Variants in EPB41L1 observed in about 807,000 individuals in gnomAD.
The protein encoded by EPB41L1 is band 4.1-like protein 1.
EPB41L1 carries 29 observed loss-of-function variants against 97.8 expected under a neutral mutation model. The observed-to-expected ratio is 0.30, with a 90% CI of 0.22 to 0.40. The LOEUF (loss-of-function observed/expected upper bound fraction) is 0.40, where lower values mean the gene tolerates loss of function less well. Among genes scored for constraint, EPB41L1 ranks in the 10% least tolerant of loss-of-function variants. EPB41L1 has a pLI of 1.00. For synonymous variants in EPB41L1, 383 were observed against 459.2 expected (o/e 0.83, Z 2.12); for missense variants, 812 against 1,162.3 (o/e 0.70, Z 4.38).
chr20:36,169,341 C>T (rs2060879136), intron 1 of EPB41L1, among the ~76,000 whole-genome samples: 1 of 152,196 alleles, frequency 6.6e-6, no homozygotes. Context: ...GACTCCACAG[C>T]CTGTGCTGTG....
At chr20:36,101,321 G>A (rs796733116) in intron 1 of EPB41L1, among the ~76,000 whole-genome samples, 1 of 152,080 alleles carries the variant, frequency 6.6e-6, no homozygotes, top group Non-Finnish European at 1.5e-5. Context: ...CCCATGTGCA[G>A]CCCGGGAGTC....
At chr20:36,113,787 T>C (rs2058498226) in intron 2 of EPB41L1, 1 of 152,534 alleles carries the variant, frequency 6.6e-6, no homozygotes, top group Non-Finnish European at 1.5e-5. Flanking sequence ...TGTGGGGAGA[T>C]GCGGAGCTCA....
Position 36,188,513 on chromosome 20 carries a change from GGGAAACACTCCTCCTCACC to G in EPB41L1, c.1026+19_1026+37del. On this transcript the variant is annotated intron_variant, in intron 9 of 21. Coordinates refer to ENST00000338074, the MANE Select transcript of EPB41L1 (RefSeq NM_012156.2). ...CGGCCTGGGGAGGTGAGTCTGCCTT[GGGAAACACTCCTCCTCACC>G]GGAATCAACTAGAATGGAGTGGACC... 6.3e-7 allele frequency: 1 copy of G among 1,598,052 alleles called. No homozygotes were observed. The highest frequency in any genetic ancestry group is 1.7e-5 in the Admixed American group (1 of 58,984).
chr20:36,184,993 C>T (rs965805186), intron 6 of EPB41L1, 124 bp from the exon 7 acceptor site: 11 of 925,908 alleles, frequency 1.2e-5, no homozygotes, highest in Middle Eastern at 3.2e-4. Flanking sequence ...ATATGAAGCG[C>T]CAATGTCTAC....
intron 2 of EPB41L1, among the ~76,000 whole-genome samples, chr20:36,134,901 C>G (rs953955914): frequency 6.8e-6 from 1 of 146,370 alleles, no homozygotes; most frequent in Non-Finnish European, 1.5e-5. Flanking sequence ...ACTCTGTTGC[C>G]CAGGCTAGAG....
At chr20:36,122,806 A>C (rs1381178003) in intron 2 of EPB41L1, 1 of 152,248 alleles carries the variant, frequency 6.6e-6, no homozygotes, top group African/African-American at 2.4e-5. Context: ...GCACCTGTAC[A>C]ATGGGGCTTT....
chr20:36,181,737 G>T (rs960580268), intron 5 of EPB41L1, among the ~76,000 whole-genome samples: 2 of 152,162 alleles, frequency 1.3e-5, no homozygotes, highest in Non-Finnish European at 2.9e-5. Context: ...ACAGTAGCAG[G>T]GTGAGGGCTC....
intron 2 of EPB41L1, among the ~76,000 whole-genome samples, chr20:36,174,755 G>C (rs549775684): frequency 6.6e-6 from 1 of 152,284 alleles, no homozygotes; most frequent in East Asian, 1.9e-4. Context: ...TCAGACTAAA[G>C]AGGGTAGCTA....
chr20:36,187,725 A>G lies in EPB41L1; in HGVS notation c.835A>G (p.Lys279Glu), dbSNP rs1285938025. 6.2e-7 allele frequency: 1 copy of G among 1,613,978 alleles called. No individual in the cohort carries two copies. The highest frequency in any genetic ancestry group is 2.2e-5 in the East Asian group (1 of 44,860). Residue 279 changes from lysine (K) to glutamate (E), a missense_variant, in exon 8 of 22, where the codon AAG becomes GAG. Coordinates refer to ENST00000338074, the MANE Select transcript of EPB41L1 (RefSeq NM_012156.2). Reference protein sequence around the residue: ...AEIHFLENAKKLSMYGVDLHH... With the variant: ...AEIHFLENAKELSMYGVDLHH... ...AATCCACTTCTTAGAGAATGCCAAG[A>G]AGCTTTCCATGTACGGAGTAGACCT...
chr20:36,124,123 T>C (rs2058862657), intron 2 of EPB41L1, among the ~76,000 whole-genome samples: 1 of 151,812 alleles, frequency 6.6e-6, no homozygotes, highest in Non-Finnish European at 1.5e-5. Context: ...GGTGTGGTGG[T>C]GGGCGCCTGT....
In EPB41L1 at chr20:36,207,044, G is replaced by A. The variant is rs570097059; in HGVS notation, c.1669-2444G>A. The A allele has an allele frequency of 3.4e-5, 44 of 1,289,834 alleles. No individual in the cohort carries two copies. In the East Asian group the frequency reaches 3.9e-4, roughly 11 times the overall value. The allele number at this position is 1,289,834 out of a possible 1,614,324, so 79.9% of individuals were successfully genotyped here. A position where few individuals can be genotyped will look rare whatever the true frequency, so the allele number is the denominator to read the frequency against. On this transcript the variant is annotated intron_variant, in intron 14 of 21. Coordinates refer to ENST00000338074, the MANE Select transcript of EPB41L1 (RefSeq NM_012156.2). This position sits in a 1 kb window ranked among gnomAD's most constrained non-coding sequence, Gnocchi z 4.9. ...AAAGGAGGGGCTGAGCTGAAGGACC[G>A]CGAGGCTTCAGCATTTCTTCACATG...
intron 5 of EPB41L1, among the ~76,000 whole-genome samples, chr20:36,179,908 C>T (rs544449530): frequency 5.3e-4 from 81 of 152,336 alleles, no homozygotes; most frequent in African/African-American, 1.9e-3. Context: ...AGGCTGTCCC[C>T]CAGGAGCCCC....
chr20:36,140,036 GTTT>G (rs933589393), intron 2 of EPB41L1, among the ~76,000 whole-genome samples: 3 of 144,192 alleles, frequency 2.1e-5, no homozygotes, highest in African/African-American at 5.2e-5. Context: ...GGCCTAGGTG[GTTT>G]TTTTTTGTTG....
intron 2 of EPB41L1, among the ~76,000 whole-genome samples, chr20:36,148,062 T>C (rs2059907566): frequency 6.6e-6 from 1 of 152,120 alleles, no homozygotes; most frequent in South Asian, 2.1e-4. Flanking sequence ...CCTGGCATCC[T>C]GGGTGGACTC....
chr20:36,204,688 C>T (rs900956121), intron 14 of EPB41L1, among the ~76,000 whole-genome samples: 2 of 150,464 alleles, frequency 1.3e-5, no homozygotes, highest in African/African-American at 2.4e-5. Flanking sequence ...TGTCACCAGG[C>T]TGGAGTGCAG....
chr20:36,222,261 C>A lies in EPB41L1; in HGVS notation c.2521-17C>A. The A allele has an allele frequency of 6.3e-7, 1 of 1,597,204 alleles. No individual in the cohort carries two copies. Among genetic ancestry groups the A allele is most frequent in the Non-Finnish European group, 8.6e-7 (1 of 1,164,674 alleles). On this transcript the variant is annotated splice_polypyrimidine_tract_variant and intron_variant, in intron 20 of 21. Coordinates refer to ENST00000338074, the MANE Select transcript of EPB41L1 (RefSeq NM_012156.2). ...GGATAGTTCATGGTTCCTTCCTTTG[C>A]TGTTCTTTACCACCAGGCCCTGGCT...
At chr20:36,115,677 A>T (rs2058560541) in intron 2 of EPB41L1, among the ~76,000 whole-genome samples, 1 of 152,124 alleles carries the variant, frequency 6.6e-6, no homozygotes, top group Admixed American at 6.6e-5. Context: ...GGATCAATTG[A>T]GGTCGGGAGT....
chr20:36,150,070 GTTTT>G (rs112537871), upstream of EPB41L1, among the ~76,000 whole-genome samples: 1 of 141,582 alleles, frequency 7.1e-6, no homozygotes. Context: ...AGGTTTTTTT[GTTTT>G]TTTTTTTTTT....
Position 36,133,978 on chromosome 20 carries a change from G to A in EPB41L1, c.-10+21498G>A, listed in dbSNP as rs149257600. Among the ~76,000 whole-genome samples, 9 of 152,218 alleles carry A rather than the reference G, an allele frequency of 5.9e-5. No individual in the cohort carries two copies. The East Asian group carries it at 1.3e-3, about 23-fold the overall frequency. ...GATGACTAGGTGAGGTAGGTTTTAC[G>A]GAAGAGGAAGCTGAACCAGCAGTTG... On this transcript the variant is annotated intron_variant, in intron 2 of 19. Coordinates refer to the EPB41L1 transcript ENST00000202028.
Sources: gnomAD v4.1 joint callset for allele counts (sites outside exome capture counted in the v4.1 genomes callset) on GRCh38, gnomAD v4.1.1 for gene constraint, Gnocchi (gnomAD v3.1) non-coding constraint, MANE v1.5 for transcripts, NCBI Gene and HGNC (gene_info 2026-07-23, HGNC 2026-07-21) for gene names.